PDE1A: variants seen among roughly 807,000 people sequenced by gnomAD.
PDE1A encodes phosphodiesterase 1A, also known as dual specificity calcium/calmodulin-dependent 3',5'-cyclic nucleotide phosphodiesterase 1A.
In PDE1A, 35 loss-of-function variants were observed where a neutral mutation model predicts 61.7. The observed-to-expected ratio is 0.57, with a 90% confidence interval of 0.43 to 0.75. The LOEUF is 0.75. PDE1A is among the 30% of genes least tolerant of loss of function. PDE1A has a pLI of 0.00. For missense variants in PDE1A, 597 were observed against 630.6 expected (o/e 0.95, Z 0.57); for synonymous variants, 232 against 213.2 (o/e 1.09, Z -0.77).
Position 182,270,555 on chromosome 2 carries a change from G to A in PDE1A, c.54-6141C>T, listed in dbSNP as rs942643774. 1.3e-4 allele frequency among the ~76,000 whole-genome samples: 20 copies of A among 151,354 alleles called. No individual in the cohort carries two copies. In the East Asian group the frequency reaches 1.9e-3, roughly 15 times the overall value. The stretch of plus-strand genomic sequence containing the variant: ...TCATGTGACAGAGCATGAATAAAAC[G>A]TAATAATTCAATAAATAAAATTTAT... On this transcript the variant is annotated intron_variant, in intron 1 of 13. Coordinates refer to ENST00000351439, the Ensembl canonical transcript of PDE1A.
intron 2 of PDE1A, among the ~76,000 whole-genome samples, chr2:182,477,086 C>T (rs1687414673): frequency 6.6e-6 from 1 of 151,808 alleles, no homozygotes; most frequent in Non-Finnish European, 1.5e-5. Context: ...AAAGGAACAG[C>T]ATAATAATTC....
intron 2 of PDE1A, among the ~76,000 whole-genome samples, chr2:182,446,886 A>T (rs529432624): frequency 6.6e-6 from 1 of 152,102 alleles, no homozygotes; most frequent in East Asian, 1.9e-4. Flanking sequence ...TCTTCAATGA[A>T]GGGAAAATAA....
intron 6 of PDE1A, among the ~76,000 whole-genome samples, chr2:182,224,586 T>C (rs893076797): frequency 2.6e-5 from 4 of 151,812 alleles, no homozygotes; most frequent in African/African-American, 9.7e-5. Context: ...TTTACATACA[T>C]TCATCTTTCA....
At chr2:182,509,362 T>C (rs1228780441) in intron 2 of PDE1A, among the ~76,000 whole-genome samples, 1 of 152,218 alleles carries the variant, frequency 6.6e-6, no homozygotes, top group Non-Finnish European at 1.5e-5. Flanking sequence ...CGCCACATGA[T>C]AACTCCATTT....
chr2:182,234,856 C>T (rs1160225041), intron 3 of PDE1A, among the ~76,000 whole-genome samples: 1 of 152,020 alleles, frequency 6.6e-6, no homozygotes, highest in African/African-American at 2.4e-5. Flanking sequence ...TGTTTTATGT[C>T]CATTTATATG....
At chr2:182,317,733 G>A (rs1018658560) in intron 1 of PDE1A, among the ~76,000 whole-genome samples, 1 of 152,130 alleles carries the variant, frequency 6.6e-6, no homozygotes, top group African/African-American at 2.4e-5. Flanking sequence ...AGGAACAATG[G>A]AGGTGGCTCT....
At chr2:182,400,680 G>A (rs749361956) in intron 1 of PDE1A, among the ~76,000 whole-genome samples, 14 of 152,146 alleles carry the variant, frequency 9.2e-5, no homozygotes, top group Non-Finnish European at 1.6e-4. Flanking sequence ...AAGAGAAAGC[G>A]GAATGATGTC....
chr2:182,709,787 C>T, the PDE1A span, among the ~76,000 whole-genome samples: 1 of 152,210 alleles, frequency 6.6e-6, no homozygotes, highest in Non-Finnish European at 1.5e-5. Context: ...AGCAAGTGGA[C>T]ATCCTTGATG....
At chr2:182,546,420 T>C in the PDE1A span, among the ~76,000 whole-genome samples, 1 of 151,842 alleles carries the variant, frequency 6.6e-6, no homozygotes, top group Non-Finnish European at 1.5e-5. Flanking sequence ...GGAAAGAAGG[T>C]AAAGATAAAG....
At chr2:182,659,796 G>A in the PDE1A span, among the ~76,000 whole-genome samples, 1 of 152,112 alleles carries the variant, frequency 6.6e-6, no homozygotes, top group African/African-American at 2.4e-5. Context: ...ATAAATGTAG[G>A]TATTACTAAT....
chr2:182,296,344 A>G (rs1231329625), intron 1 of PDE1A, among the ~76,000 whole-genome samples: 1 of 152,228 alleles, frequency 6.6e-6, no homozygotes, highest in Non-Finnish European at 1.5e-5. Flanking sequence ...AAGTCAAGGC[A>G]CACATTTGCC....
downstream of PDE1A, among the ~76,000 whole-genome samples, chr2:182,163,004 G>T (rs1691469473): frequency 6.6e-6 from 1 of 152,250 alleles, no homozygotes; most frequent in South Asian, 2.1e-4. Flanking sequence ...AAACAAGGTA[G>T]CATTCTTGAA....
rs1306389993 is a variant in PDE1A, at chr2:182,186,450, A to G, written c.1328+18T>C. The G allele has an allele frequency of 6.2e-7, 1 of 1,606,688 alleles. No individual in the cohort carries two copies. The highest frequency in any genetic ancestry group is 8.5e-7 in the Non-Finnish European group (1 of 1,178,396). On this transcript the variant is annotated intron_variant, in intron 12 of 13. Coordinates refer to ENST00000351439, the Ensembl canonical transcript of PDE1A. The stretch of plus-strand genomic sequence containing the variant: ...CACCACAAAGATGAAAAATAATGCA[A>G]AAAAGAAAATATCATACCTGCTTGC...
intron 2 of PDE1A, among the ~76,000 whole-genome samples, chr2:182,246,453 T>C (rs2125712411): frequency 6.8e-6 from 1 of 146,878 alleles, no homozygotes; most frequent in South Asian, 2.2e-4. Context: ...GCTCAGGCTG[T>C]AGTGCAGTGG....
chr2:182,459,435 C>T (rs1686132456), intron 2 of PDE1A, among the ~76,000 whole-genome samples: 2 of 152,116 alleles, frequency 1.3e-5, no homozygotes, highest in African/African-American at 4.8e-5. Flanking sequence ...TTCTTATTCT[C>T]CTAAATCAAG....
intron 2 of PDE1A, among the ~76,000 whole-genome samples, chr2:182,443,966 G>A (rs1189601205): frequency 6.6e-6 from 1 of 152,028 alleles, no homozygotes; most frequent in Non-Finnish European, 1.5e-5. Flanking sequence ...GCCTCCCAAA[G>A]TGCTGGGATT....
chr2:182,449,113 T>A (rs1685342629), intron 2 of PDE1A, among the ~76,000 whole-genome samples: 1 of 150,168 alleles, frequency 6.7e-6, no homozygotes, highest in South Asian at 2.1e-4. Flanking sequence ...TCCTTCTAAA[T>A]CTTCTTAGGA....
At chr2:182,327,569 G>T (rs1161186595) in intron 1 of PDE1A, among the ~76,000 whole-genome samples, 2 of 152,152 alleles carry the variant, frequency 1.3e-5, no homozygotes, top group African/African-American at 4.8e-5. Flanking sequence ...AGAACCAAGT[G>T]AAGAAATTAT....
chr2:182,182,123 C>T (rs891072363), intron 13 of PDE1A, among the ~76,000 whole-genome samples: 3 of 152,092 alleles, frequency 2.0e-5, no homozygotes, highest in African/African-American at 7.2e-5. Context: ...AATACAGAAG[C>T]AAAATTGTCG....
Sources: allele counts gnomAD v4.1 joint callset (sites outside exome capture counted in the v4.1 genomes callset), GRCh38; gene constraint gnomAD v4.1.1; transcripts MANE v1.5; gene names NCBI Gene and HGNC (gene_info 2026-07-23, HGNC 2026-07-21).